Variants in TARS3 observed in about 807,000 individuals in gnomAD.
TARS3 encodes threonyl-tRNA synthetase 3.
TARS3 carries 94 observed loss-of-function variants against 103.5 expected under a neutral mutation model. The ratio of observed to expected loss-of-function variants is 0.91; its 90% CI spans 0.77 to 1.08. The LOEUF is 1.08. Ranked by LOEUF, TARS3 falls within the 50% of genes least tolerant of loss-of-function variation. TARS3 has a pLI of 0.00. For synonymous variants in TARS3, 416 were observed against 355.4 expected, an observed-to-expected ratio of 1.17 and a Z score of -1.92; for missense variants, 952 against 995.2, an observed-to-expected ratio of 0.96 and a Z score of 0.58.
chr15:101,686,130 T>A, intron 10 of TARS3, 68 bp from the exon 11 acceptor site: 1 of 1,356,464 alleles, frequency 7.4e-7, no homozygotes, highest in South Asian at 1.6e-5. Context: ...AAAGTAACAC[T>A]ATGAGCAAAT....
chr15:101,682,852 G>C (rs1466216580), intron 12 of TARS3, among the ~76,000 whole-genome samples: 1 of 152,142 alleles, frequency 6.6e-6, no homozygotes, highest in African/African-American at 2.4e-5. Context: ...TTCTTCTTGA[G>C]TAAAGTTTAA....
intron 12 of TARS3, among the ~76,000 whole-genome samples, chr15:101,681,258 C>T (rs1445859082): frequency 6.6e-6 from 1 of 152,064 alleles, no homozygotes; most frequent in Non-Finnish European, 1.5e-5. Flanking sequence ...ATTCTAGGTT[C>T]TTGTGCTTTC....
In TARS3 at chr15:101,719,650, G is replaced by C. The variant is rs1289522281; in HGVS notation, c.566+1476C>G. On this transcript the variant is annotated intron_variant, in intron 3 of 18. Coordinates refer to ENST00000335968, the MANE Select transcript of TARS3 (RefSeq NM_152334.3). ...GTGGAAACTGAAGCCAGCCACTATG[G>C]GGTCTTGGCCTCAAAGCATCATTGC... Among the ~76,000 whole-genome samples the C allele has an allele frequency of 3.3e-5, 5 of 152,328 alleles. 1 individual carries two copies. In the South Asian group the frequency reaches 1.0e-3, roughly 32 times the overall value.
chr15:101,701,749 T>G (rs1452692131), intron 9 of TARS3, among the ~76,000 whole-genome samples: 1 of 152,152 alleles, frequency 6.6e-6, no homozygotes, highest in African/African-American at 2.4e-5. Context: ...ATACAAAGGA[T>G]GCTATAAAGT....
chr15:101,698,259 G>A (rs1277825791), intron 10 of TARS3, among the ~76,000 whole-genome samples: 3 of 152,176 alleles, frequency 2.0e-5, no homozygotes, highest in Non-Finnish European at 4.4e-5. Flanking sequence ...GTGAGCCTGG[G>A]AGGCAGGAGG....
At chr15:101,666,221 C>A (rs561268118) in intron 15 of TARS3, among the ~76,000 whole-genome samples, 1 of 152,024 alleles carries the variant, frequency 6.6e-6, no homozygotes, top group South Asian at 2.1e-4. Context: ...CGGTGGCTCA[C>A]GCCTGTAATC....
Position 101,661,514 on chromosome 15 carries a change from A to G in TARS3, c.2072+198T>C, listed in dbSNP as rs1897376395. ...TAGTTTTTATTTTCTGATCTGGCAAATCGAATAAGAATTCTTTATTTGCTG... is the reference window on the plus strand; with the variant it reads ...TAGTTTTTATTTTCTGATCTGGCAAGTCGAATAAGAATTCTTTATTTGCTG... On this transcript the variant is annotated intron_variant, in intron 16 of 18. Coordinates refer to ENST00000335968, the MANE Select transcript of TARS3 (RefSeq NM_152334.3). 1.3e-5 allele frequency among the ~76,000 whole-genome samples: 2 copies of G among 152,024 alleles called. 1 individual carries two copies. The highest frequency in any genetic ancestry group is 1.3e-4 in the Admixed American group (2 of 15,236).
At chr15:101,660,648 G>A (rs1455628527) in intron 16 of TARS3, among the ~76,000 whole-genome samples, 3 of 152,162 alleles carry the variant, frequency 2.0e-5, no homozygotes. Context: ...AAGACCACTG[G>A]CTATTACCCC....
At chr15:101,718,665 A>G (rs908145712) in intron 3 of TARS3, among the ~76,000 whole-genome samples, 25 of 152,288 alleles carry the variant, frequency 1.6e-4, no homozygotes, top group Admixed American at 1.0e-3. Flanking sequence ...CCTCCCTCCC[A>G]CAAGCCTCTG....
Position 101,677,755 on chromosome 15 carries a change from C to T in TARS3, c.1651-2018G>A, listed in dbSNP as rs551167344. 1.4e-4 allele frequency among the ~76,000 whole-genome samples: 22 copies of T among 152,096 alleles called. No homozygotes were observed. The South Asian group carries it at 4.2e-3, about 29-fold the overall frequency. On this transcript the variant is annotated intron_variant, in intron 12 of 18. Transcript: ENST00000335968. Reference sequence around the variant, plus strand: ...TCAGGTGATCCACCCACCTCAGCCTCCCAAAGTGCTGGGATTACAGGCACG... The same window carrying T: ...TCAGGTGATCCACCCACCTCAGCCTTCCAAAGTGCTGGGATTACAGGCACG...
Position 101,716,837 on chromosome 15 carries a change from T to C in TARS3, c.567-1874A>G, listed in dbSNP as rs924280738. The stretch of plus-strand genomic sequence containing the variant: ...CATAATGTTAGGTACTATTAAATTG[T>C]ATCAACTCTACAATGTAATTTTTTT... On this transcript the variant is annotated intron_variant, in intron 3 of 18. Transcript: ENST00000335968. Among the ~76,000 whole-genome samples the C allele has an allele frequency of 4.7e-5, 7 of 150,382 alleles. No individual in the cohort carries two copies. The South Asian group carries it at 6.3e-4, about 14-fold the overall frequency.
intron 12 of TARS3, among the ~76,000 whole-genome samples, chr15:101,677,593 G>C (rs1898081760): frequency 6.6e-6 from 1 of 151,942 alleles, no homozygotes; most frequent in Non-Finnish European, 1.5e-5. Flanking sequence ...CCACCTCCCG[G>C]GTTCAAGCAA....
chr15:101,675,926 G>A (rs1567330875), intron 12 of TARS3, among the ~76,000 whole-genome samples, 189 bp from the exon 13 acceptor site: 1 of 152,222 alleles, frequency 6.6e-6, no homozygotes, highest in African/African-American at 2.4e-5. Context: ...GCAGGGAATG[G>A]AGAAGGAGTA....
chr15:101,676,840 G>A (rs1180403541), intron 12 of TARS3, among the ~76,000 whole-genome samples: 3 of 151,160 alleles, frequency 2.0e-5, no homozygotes, highest in Non-Finnish European at 2.9e-5. Flanking sequence ...TGCACGTGCA[G>A]GATGTGTAGT....
chr15:101,655,186 C>T (rs548237548), intron 18 of TARS3, among the ~76,000 whole-genome samples: 11 of 143,584 alleles, frequency 7.7e-5, no homozygotes, highest in South Asian at 4.6e-4. Flanking sequence ...GGCACTAGGG[C>T]GCAAATGAGA....
rs201623356 is a variant in TARS3, at chr15:101,724,286, G to C, written c.102C>G (p.Asp34Glu). 3.3e-5 allele frequency: 52 copies of C among 1,573,042 alleles called. No individual in the cohort carries two copies. The highest frequency in any genetic ancestry group is 4.1e-5 in the Non-Finnish European group (48 of 1,166,074). The change falls in exon 1 of 19, where the codon GAC becomes GAG. Residue 34 changes from aspartate to glutamate, a missense_variant. Physicochemically the swap from Asp to Glu is conservative, Grantham distance 45. This residue lies in a region of TARS3 where 412 missense variants were observed against 364.2 expected (regional missense o/e 1.13). Transcript: ENST00000335968. ...AGCTGTAGGGCGCGTTCAGCTGCTC[G>C]TCCCTCAGGCGCTCGACCTCCGACC... ...WLWSEVERLR[D>E]EQLNAPYSCQ...
At chr15:101,701,835 G>A (rs888259170) in intron 9 of TARS3, among the ~76,000 whole-genome samples, 1 of 152,132 alleles carries the variant, frequency 6.6e-6, no homozygotes, top group Non-Finnish European at 1.5e-5. Flanking sequence ...GAGTGCAGTG[G>A]AGCGATCTCA....
rs571490926 is a variant in TARS3 at position 101,654,448 on chromosome 15, G to A, written c.*134C>T. The A allele has an allele frequency of 2.3e-5, 21 of 903,230 alleles. No homozygotes were observed. Among genetic ancestry groups the A allele is most frequent in the South Asian group, 6.0e-5 (3 of 49,886 alleles). The allele number at this position is 903,230 out of a possible 1,614,324, so 56.0% of individuals were successfully genotyped here. A position where few individuals can be genotyped will look rare whatever the true frequency, so the allele number is the denominator to read the frequency against. ...CGTGCATGTCAGCTACACGTTCATCGTCTCCTTTCTCAGCTGAGGCCATGA... is the reference window on the plus strand; with the variant it reads ...CGTGCATGTCAGCTACACGTTCATCATCTCCTTTCTCAGCTGAGGCCATGA... On this transcript the variant is annotated 3_prime_UTR_variant, in exon 19 of 19. Coordinates refer to ENST00000335968, the MANE Select transcript of TARS3 (RefSeq NM_152334.3).
At chr15:101,673,727 CT>C (rs1897910831) in intron 13 of TARS3, among the ~76,000 whole-genome samples, 1 of 152,150 alleles carries the variant, frequency 6.6e-6, no homozygotes, top group Non-Finnish European at 1.5e-5. Flanking sequence ...ATTTGGCCCT[CT>C]TTGTCCATGC....
Sources: gnomAD v4.1 joint callset for allele counts (sites outside exome capture counted in the v4.1 genomes callset) on GRCh38, gnomAD v4.1.1 for gene constraint, gnomAD v4.1.1 regional missense constraint, MANE v1.5 for transcripts, NCBI Gene and HGNC (gene_info 2026-07-23, HGNC 2026-07-21) for gene names.